The following ANKDD1A variants were observed in gnomAD, a reference collection of about 807,000 sequenced individuals.
The protein encoded by ANKDD1A is ankyrin repeat and death domain containing 1A.
A neutral mutation model predicts 63.5 loss-of-function variants in ANKDD1A; 59 were observed. The observed-to-expected ratio is 0.93, with a 90% confidence interval of 0.75 to 1.15. ANKDD1A has a LOEUF of 1.15. Among genes scored for constraint, ANKDD1A ranks in the 50% most tolerant of loss-of-function variants. ANKDD1A has a pLI of 0.00. For synonymous variants in ANKDD1A, 266 were observed against 263.9 expected, an observed-to-expected ratio of 1.01 and a Z score of -0.08; for missense variants, 632 against 656.4, an observed-to-expected ratio of 0.96 and a Z score of 0.41.
At chr15:64,925,963 G>A in intron 4 of ANKDD1A, 103 bp from the exon 5 acceptor site, 2 of 972,836 alleles carry the variant, frequency 2.1e-6, no homozygotes, top group South Asian at 2.9e-5. Flanking sequence ...TCCATGGGGA[G>A]GCTGTGTTCT....
At chr15:64,953,520 T>TCCTTCTC (rs1307680653) in intron 14 of ANKDD1A, among the ~76,000 whole-genome samples, 5 of 55,714 alleles carry the variant, frequency 9.0e-5, no homozygotes, top group African/African-American at 3.2e-4. Context: ...TCCTTCTCCT[T>TCCTTCTC]CTTCCTTCTT....
chr15:64,953,913 TTCTTC>T lies in ANKDD1A; in HGVS notation c.1484-3185_1484-3181del, dbSNP rs1231542277. 1.2e-3 allele frequency among the ~76,000 whole-genome samples: 142 copies of T among 121,646 alleles called. 2 individuals are homozygous for T. Among genetic ancestry groups the T allele is most frequent in the African/African-American group, 4.5e-3 (139 of 31,170 alleles). 79.8% of individuals were successfully genotyped at this position (121,646 alleles called of 152,430 possible). The stretch of plus-strand genomic sequence containing the variant: ...TCCTCTTTTCTTTCTTCCCTCTTCT[TTCTTC>T]TCTTTTTCTTTTTTCTTTTCTTCCT... On this transcript the variant is annotated intron_variant, in intron 14 of 14. Transcript: ENST00000319580.
intron 14 of ANKDD1A, among the ~76,000 whole-genome samples, chr15:64,953,251 T>C (rs903984251): frequency 6.9e-6 from 1 of 145,640 alleles, no homozygotes; most frequent in South Asian, 2.2e-4. Flanking sequence ...TTTCCTCCTC[T>C]TTCTTCTTCT....
chr15:64,932,841 T>C (rs2085101611), intron 8 of ANKDD1A: 1 of 151,642 alleles, frequency 6.6e-6, no homozygotes, highest in Non-Finnish European at 1.5e-5. Context: ...CACAGCACTT[T>C]GGGAGGCCAA....
intron 13 of ANKDD1A, among the ~76,000 whole-genome samples, chr15:64,948,326 T>C (rs1417536898): frequency 2.0e-5 from 3 of 152,212 alleles, no homozygotes; most frequent in Non-Finnish European, 4.4e-5. Context: ...AAAAGTATCA[T>C]ATAAATATCA....
chr15:64,955,030 C>T (rs570738155), intron 14 of ANKDD1A, among the ~76,000 whole-genome samples: 127 of 37,460 alleles, frequency 3.4e-3, no homozygotes, highest in African/African-American at 7.2e-3. Flanking sequence ...TCTTCTTCCT[C>T]TTCTTCTTCT....
chr15:64,952,693 T>G (rs1302270937), intron 14 of ANKDD1A, among the ~76,000 whole-genome samples: 1 of 136,994 alleles, frequency 7.3e-6, no homozygotes, highest in Non-Finnish European at 1.6e-5. Context: ...CCTCTCCTTT[T>G]TCTTCTTAGT....
At chr15:64,929,937 C>G (rs1311870073) in intron 6 of ANKDD1A, among the ~76,000 whole-genome samples, 1 of 152,138 alleles carries the variant, frequency 6.6e-6, no homozygotes, top group Non-Finnish European at 1.5e-5. Context: ...AGATCATGTC[C>G]TTTGCAGGGA....
intron 8 of ANKDD1A, among the ~76,000 whole-genome samples, chr15:64,933,582 G>A (rs1363461090): frequency 6.6e-6 from 1 of 151,116 alleles, no homozygotes; most frequent in Non-Finnish European, 1.5e-5. Flanking sequence ...GGTGGCTCAC[G>A]CCTGTAATCC....
At chr15:64,942,898 A>T (rs1183959054) in intron 10 of ANKDD1A, among the ~76,000 whole-genome samples, 1 of 152,132 alleles carries the variant, frequency 6.6e-6, no homozygotes, top group African/African-American at 2.4e-5. Context: ...GTCTTGTGTA[A>T]CAAGAGGCCT....
intron 7 of ANKDD1A, 126 bp from the exon 8 acceptor site, chr15:64,931,361 C>A (rs2085089424): frequency 1.3e-6 from 1 of 777,720 alleles, no homozygotes; most frequent in African/African-American, 1.7e-5. Flanking sequence ...TTCCCAGGGG[C>A]AGGGCAGTGG....
At position 64,941,267 on chromosome 15, in the gene ANKDD1A, A is replaced by G. The variant is rs117336756; in HGVS notation, c.868-1200A>G. Among the ~76,000 whole-genome samples the G allele has an allele frequency of 1.0e-2, 1,521 of 152,284 alleles. 14 individuals carry two copies. The highest frequency in any genetic ancestry group is 0.019 in the South Asian group (90 of 4,826). On this transcript the variant is annotated intron_variant, in intron 9 of 14. Coordinates refer to ENST00000319580, the MANE Select transcript of ANKDD1A (RefSeq NM_182703.6). Reference sequence around the variant, plus strand: ...TTTGTCTTCTGTATGACTTTATTCTACTAGGATTTTTGCGGGGGAGCGGTG... The same window carrying G: ...TTTGTCTTCTGTATGACTTTATTCTGCTAGGATTTTTGCGGGGGAGCGGTG...
intron 4 of ANKDD1A, among the ~76,000 whole-genome samples, chr15:64,924,378 A>C (rs1174473228): frequency 6.6e-6 from 1 of 152,258 alleles, no homozygotes; most frequent in East Asian, 1.9e-4. Context: ...GGACCAGTGT[A>C]GAGTCTCAGT....
intron 9 of ANKDD1A, among the ~76,000 whole-genome samples, chr15:64,940,427 GATAGATAT>G (rs1308246740): frequency 0.047 from 4,947 of 104,328 alleles, 172 homozygotes; most frequent in Admixed American, 0.092. Flanking sequence ...TAGATAGATA[GATAGATAT>G]ATAGATATTT....
chr15:64,935,104 T>C (rs2085118294), intron 9 of ANKDD1A, among the ~76,000 whole-genome samples: 1 of 151,468 alleles, frequency 6.6e-6, no homozygotes, highest in Non-Finnish European at 1.5e-5. Flanking sequence ...GGTGTACACA[T>C]GTAGTCCTAG....
chr15:64,957,338 T>C lies in ANKDD1A; in HGVS notation c.*150T>C. 8.1e-6 allele frequency: 2 copies of C among 248,280 alleles called. No individual in the cohort carries two copies. The highest frequency in any genetic ancestry group is 8.1e-6 in the Non-Finnish European group (1 of 124,096). The allele number at this position is 248,280 out of a possible 1,614,324, so 15.4% of individuals were successfully genotyped here. ...CTTAAATAATAAGAGTAGAATACTT[T>C]CTGTGTTTTTATCTTATACACATGA... On this transcript the variant is annotated 3_prime_UTR_variant, in exon 15 of 15. Transcript: ENST00000319580.
intron 10 of ANKDD1A, among the ~76,000 whole-genome samples, chr15:64,942,990 C>G (rs1403819637): frequency 6.6e-6 from 1 of 152,194 alleles, no homozygotes; most frequent in Non-Finnish European, 1.5e-5. Flanking sequence ...ATTCTCAGTA[C>G]CAGCAAGGGC....
intron 6 of ANKDD1A, among the ~76,000 whole-genome samples, chr15:64,928,787 C>T (rs1030346699): frequency 1.4e-4 from 22 of 152,382 alleles, no homozygotes; most frequent in African/African-American, 3.8e-4. Flanking sequence ...CCCGGGCCCA[C>T]GCCAAGGCTG....
At chr15:64,919,041 C>CTG (rs1229722236) in intron 3 of ANKDD1A, among the ~76,000 whole-genome samples, 4 of 152,088 alleles carry the variant, frequency 2.6e-5, no homozygotes, top group Non-Finnish European at 5.9e-5. Flanking sequence ...GGCTTGCCTG[C>CTG]TGTAGTAATG....
Sources: allele counts gnomAD v4.1 joint callset (sites outside exome capture counted in the v4.1 genomes callset), GRCh38; gene constraint gnomAD v4.1.1; transcripts MANE v1.5; gene names NCBI Gene and HGNC (gene_info 2026-07-23, HGNC 2026-07-21).